Variants in MSANTD5 observed in about 807,000 individuals in gnomAD.
MSANTD5 encodes uncharacterized protein MSANTD5.
chr5:178,706,662 G>C, the MSANTD5 span, among the ~76,000 whole-genome samples: 1 of 151,724 alleles, frequency 6.6e-6, no homozygotes, highest in African/African-American at 2.4e-5. Flanking sequence ...AGAGAATGGG[G>C]AATGTCCTTC....
downstream of MSANTD5, among the ~76,000 whole-genome samples, chr5:178,693,140 T>G (rs1253052453): frequency 6.6e-6 from 1 of 151,648 alleles, no homozygotes; most frequent in East Asian, 1.9e-4. Flanking sequence ...AGAAACCCCG[T>G]CTCTACTAAA....
chr5:178,692,677 C>A (rs188794926), downstream of MSANTD5, among the ~76,000 whole-genome samples: 52 of 152,168 alleles, frequency 3.4e-4, no homozygotes, highest in East Asian at 9.4e-3. Context: ...AAAAGCTATT[C>A]CCAAAAGGCT....
At chr5:178,700,466 C>A (rs1156552744), upstream of MSANTD5, among the ~76,000 whole-genome samples, 2 of 152,202 alleles carry the variant, frequency 1.3e-5, no homozygotes, top group Non-Finnish European at 2.9e-5. Flanking sequence ...GGCATGAGCT[C>A]TTTGCCTTAA....
intron 1 of MSANTD5, among the ~76,000 whole-genome samples, chr5:178,697,383 G>A (rs112150601): frequency 0.02 from 3,116 of 152,184 alleles, 107 homozygotes; most frequent in African/African-American, 0.071. Context: ...GAACCCGGGA[G>A]GCGGAGGTTG....
the MSANTD5 span, among the ~76,000 whole-genome samples, chr5:178,703,313 G>C: frequency 0.22 from 33,558 of 152,078 alleles, 4,259 homozygotes; most frequent in South Asian, 0.36. Flanking sequence ...AGTGTGATGC[G>C]CTTGGCTTGC....
chr5:178,701,332 A>C (rs1177659061), upstream of MSANTD5, among the ~76,000 whole-genome samples: 2 of 152,024 alleles, frequency 1.3e-5, no homozygotes, highest in Non-Finnish European at 2.9e-5. Context: ...ATACTGTTTC[A>C]GTGTTTCAGT....
At chr5:178,706,918 C>T in the MSANTD5 span, 2 of 152,096 alleles carry the variant, frequency 1.3e-5, no homozygotes, top group Middle Eastern at 3.2e-3. Context: ...TATTCAACCT[C>T]CAGCAATTCA....
At chr5:178,696,779 C>T (rs1317189157) in intron 1 of MSANTD5, among the ~76,000 whole-genome samples, 1 of 151,888 alleles carries the variant, frequency 6.6e-6, no homozygotes, top group Non-Finnish European at 1.5e-5. Flanking sequence ...GTACAGGACA[C>T]AGAAGCAGTA....
At chr5:178,700,722 C>A (rs550948143), upstream of MSANTD5, among the ~76,000 whole-genome samples, 1 of 142,078 alleles carries the variant, frequency 7.0e-6, no homozygotes, top group Non-Finnish European at 1.6e-5. Flanking sequence ...ATGCATAATC[C>A]GGGCTGAGAG....
chr5:178,694,803 G>A (rs1765393652), exon 4 of MSANTD5: 1 of 152,184 alleles, frequency 6.6e-6, no homozygotes, highest in African/African-American at 2.4e-5. Flanking sequence ...CATGTTCCAG[G>A]GCTCCCATCC....
chr5:178,693,434 G>A (rs752649870), downstream of MSANTD5, among the ~76,000 whole-genome samples: 6 of 151,942 alleles, frequency 3.9e-5, no homozygotes, highest in South Asian at 4.1e-4. Context: ...TAGTGTGGCC[G>A]GAGTCTGTTC....
At chr5:178,699,947 G>A (rs1178700161), upstream of MSANTD5, among the ~76,000 whole-genome samples, 1 of 76,798 alleles carries the variant, frequency 1.3e-5, no homozygotes, top group African/African-American at 3.5e-5. Context: ...TTCCAGCACA[G>A]ACATTCTTCA....
chr5:178,700,762 G>A (rs532906288), upstream of MSANTD5, among the ~76,000 whole-genome samples: 80 of 152,276 alleles, frequency 5.3e-4, no homozygotes, highest in Admixed American at 1.2e-3. Flanking sequence ...AGCCTGGAGA[G>A]GCTCGGAAGG....
the MSANTD5 span, among the ~76,000 whole-genome samples, chr5:178,705,830 G>A: frequency 3.8e-3 from 585 of 152,194 alleles, 8 homozygotes; most frequent in African/African-American, 0.014. Flanking sequence ...GGTGGTGGGC[G>A]CCTGTAGTCC....
chr5:178,692,531 T>C (rs963112168), downstream of MSANTD5, among the ~76,000 whole-genome samples: 2 of 151,978 alleles, frequency 1.3e-5, no homozygotes, highest in Non-Finnish European at 2.9e-5. Context: ...ACTGGAAACA[T>C]CCCGGATGTC....
rs1765395724 is a variant in MSANTD5, at chr5:178,694,964, A to T, written c.404-17T>A. On this transcript the variant is annotated splice_polypyrimidine_tract_variant and intron_variant, in intron 3 of 3. Coordinates refer to ENST00000648368, the Ensembl canonical transcript of MSANTD5. Reference sequence around the variant, plus strand: ...AGGGAGGACCTGAGAGAGAGAAGACACATGGAGGGCTCATGAAGCCATCAC... The same window carrying T: ...AGGGAGGACCTGAGAGAGAGAAGACTCATGGAGGGCTCATGAAGCCATCAC... 6.6e-6 allele frequency: 1 copy of T among 152,362 alleles called. No homozygotes were observed. The highest frequency in any genetic ancestry group is 2.4e-5 in the African/African-American group (1 of 41,444). The allele number at this position is 152,362 out of a possible 1,614,324, so 9.4% of individuals were successfully genotyped here.
upstream of MSANTD5, among the ~76,000 whole-genome samples, chr5:178,702,450 G>A (rs1311518254): frequency 6.6e-6 from 1 of 151,572 alleles, no homozygotes; most frequent in Non-Finnish European, 1.5e-5. Context: ...ACAGGCACCC[G>A]CCACCACGCC....
chr5:178,699,145 T>C (rs1765450782), upstream of MSANTD5, among the ~76,000 whole-genome samples: 1 of 152,064 alleles, frequency 6.6e-6, no homozygotes, highest in Non-Finnish European at 1.5e-5. Context: ...CCCCCAAATG[T>C]TAATGAACAC....
chr5:178,691,567 C>G (rs1460747485), downstream of MSANTD5, among the ~76,000 whole-genome samples: 1 of 136,552 alleles, frequency 7.3e-6, no homozygotes, highest in East Asian at 1.9e-4. Context: ...CTCACAAAGT[C>G]TTTTCTCTGT....
Sources: allele counts gnomAD v4.1 joint callset (sites outside exome capture counted in the v4.1 genomes callset), GRCh38; gene constraint gnomAD v4.1.1; transcripts MANE v1.5; gene names NCBI Gene and HGNC (gene_info 2026-07-23, HGNC 2026-07-21).